Variants in TMED10 observed in about 807,000 individuals in gnomAD.
The protein encoded by TMED10 is transmembrane p24 trafficking protein 10.
A neutral mutation model predicts 23.1 loss-of-function variants in TMED10; 7 were observed. The ratio of observed to expected loss-of-function variants is 0.30; its 90% confidence interval spans 0.17 to 0.57. The LOEUF is 0.57. TMED10 is among the 20% of genes least tolerant of loss of function. The pLI, the probability that TMED10 is intolerant of heterozygous loss-of-function variation, is 0.91. For missense variants in TMED10, 162 were observed against 274.8 expected (o/e 0.59, Z 2.90); for synonymous variants, 113 against 106.9 (o/e 1.06, Z -0.35).
Position 75,162,688 on chromosome 14 carries a change from G to C in TMED10, c.226-10545C>G, listed in dbSNP as rs1896099443. ...AAAGGAAAGAAAAGAATATTGTATA[G>C]TGAAGAAACCTGACAAACACTAATT... On this transcript the variant is annotated intron_variant, in intron 1 of 4. Coordinates refer to ENST00000303575, the MANE Select transcript of TMED10 (RefSeq NM_006827.6). Among the ~76,000 whole-genome samples the C allele has an allele frequency of 3.3e-5, 5 of 152,130 alleles. No individual in the cohort carries two copies. The South Asian group carries it at 1.0e-3, about 31-fold the overall frequency.
At chr14:75,138,002 C>T (rs1234327294) in intron 3 of TMED10, among the ~76,000 whole-genome samples, 1 of 152,162 alleles carries the variant, frequency 6.6e-6, no homozygotes, top group African/African-American at 2.4e-5. Context: ...AGCCACTGCA[C>T]CTGGCCTTAA....
Position 75,133,805 on chromosome 14 carries a change from T to TC in TMED10, c.*1079_*1080insG. The TC allele has an allele frequency of 3.7e-6, 1 of 273,700 alleles. No individual in the cohort carries two copies. Among genetic ancestry groups the TC allele is most frequent in the South Asian group, 3.4e-5 (1 of 29,338 alleles). The allele number at this position is 273,700 out of a possible 1,614,324, so 17.0% of individuals were successfully genotyped here. On this transcript the variant is annotated 3_prime_UTR_variant, in exon 5 of 5. Coordinates refer to ENST00000303575, the MANE Select transcript of TMED10 (RefSeq NM_006827.6). ...ACTGTGGTACATCCATACCATGGAA[T>TC]ACTACTCAGCAATCAAAAGGAACTG...
At chr14:75,172,868 G>A (rs2300601) in intron 1 of TMED10, among the ~76,000 whole-genome samples, 83,697 of 151,984 alleles carry the variant, frequency 0.55, 24,333 homozygotes, top group African/African-American at 0.71. Flanking sequence ...ATCAATGCCC[G>A]AACCAATCTG....
chr14:75,152,995 G>A (rs1895973339), intron 1 of TMED10, among the ~76,000 whole-genome samples: 1 of 152,192 alleles, frequency 6.6e-6, no homozygotes, highest in East Asian at 1.9e-4. Flanking sequence ...AGTGGCATAT[G>A]CCTGTAGTCC....
At chr14:75,151,203 C>T (rs1895952369) in intron 2 of TMED10, among the ~76,000 whole-genome samples, 1 of 150,366 alleles carries the variant, frequency 6.7e-6, no homozygotes, top group East Asian at 2.0e-4. Context: ...CTGCGCCCGG[C>T]CAGTTTTTTT....
At chr14:75,157,213 G>C (rs1168806921) in intron 1 of TMED10, among the ~76,000 whole-genome samples, 1 of 152,180 alleles carries the variant, frequency 6.6e-6, no homozygotes, top group Admixed American at 6.5e-5. Context: ...GAGTGGTTTG[G>C]AAAGATAAAA....
chr14:75,154,098 G>A (rs190723760), intron 1 of TMED10, among the ~76,000 whole-genome samples: 25 of 150,242 alleles, frequency 1.7e-4, no homozygotes, highest in East Asian at 1.6e-3. Context: ...GTAGCCGGGC[G>A]TGGTAGCTCT....
rs140407462 is a variant in TMED10, at chr14:75,173,207, G to A, written c.225+3148C>T. Among the ~76,000 whole-genome samples the A allele has an allele frequency of 1.3e-4, 20 of 152,264 alleles. No individual in the cohort carries two copies. The East Asian group carries it at 3.7e-3, about 28-fold the overall frequency. On this transcript the variant is annotated intron_variant, in intron 1 of 4. Coordinates refer to ENST00000303575, the MANE Select transcript of TMED10 (RefSeq NM_006827.6). Reference sequence around the variant, plus strand: ...TCGAGACCAGCCTGGGTAACATGGCGAAACTCCATTTCTACAAACAAATAT... The same window carrying A: ...TCGAGACCAGCCTGGGTAACATGGCAAAACTCCATTTCTACAAACAAATAT...
intron 1 of TMED10, among the ~76,000 whole-genome samples, chr14:75,155,433 T>A (rs1366262244): frequency 1.3e-5 from 2 of 152,216 alleles, no homozygotes; most frequent in Non-Finnish European, 2.9e-5. Context: ...TGGTTAGTGA[T>A]ACTGGGGAAC....
At chr14:75,151,755 T>A (rs1381894649) in intron 2 of TMED10, among the ~76,000 whole-genome samples, 1 of 152,242 alleles carries the variant, frequency 6.6e-6, no homozygotes, top group Non-Finnish European at 1.5e-5. Flanking sequence ...ATTCCAAATG[T>A]AATGTTCGGA....
At chr14:75,155,422 A>C (rs1287901911) in intron 1 of TMED10, among the ~76,000 whole-genome samples, 1 of 152,204 alleles carries the variant, frequency 6.6e-6, no homozygotes, top group African/African-American at 2.4e-5. Context: ...CATTTCCCTG[A>C]TGGTTAGTGA....
At chr14:75,138,824 T>TTTTTTTTTA (rs1895786329) in intron 3 of TMED10, among the ~76,000 whole-genome samples, 1 of 113,870 alleles carries the variant, frequency 8.8e-6, no homozygotes, top group African/African-American at 2.9e-5. Flanking sequence ...TTTTTTTTTT[T>TTTTTTTTTA]TTTTTTTTAT....
In TMED10 at chr14:75,147,185, G is replaced by GTTTTTT. The variant is rs71119349; in HGVS notation, c.411+473_411+478dup. ...ACAGCCAGAATTATTCTTCAAGGCTGTTTTTTTTTTTTTTTTTTTTTGAGA... is the reference window on the plus strand; with the variant it reads ...ACAGCCAGAATTATTCTTCAAGGCTGTTTTTTTTTTTTTTTTTTTTTTTTTTTGAGA... On this transcript the variant is annotated intron_variant, in intron 3 of 4. Coordinates refer to ENST00000303575, the MANE Select transcript of TMED10 (RefSeq NM_006827.6). 4.9e-3 allele frequency among the ~76,000 whole-genome samples: 569 copies of GTTTTTT among 116,542 alleles called. 39 individuals carry two copies. The highest frequency in any genetic ancestry group is 0.018 in the African/African-American group (483 of 26,230). 76.5% of individuals were successfully genotyped at this position (116,542 alleles called of 152,430 possible).
intron 1 of TMED10, chr14:75,175,816 T>C (rs1362475889): frequency 3.3e-5 from 5 of 153,380 alleles, no homozygotes; most frequent in African/African-American, 1.2e-4. Flanking sequence ...GAGTCTCAGT[T>C]TCCTCATTTG....
chr14:75,151,367 G>A (rs954585828), intron 2 of TMED10, among the ~76,000 whole-genome samples: 6 of 151,174 alleles, frequency 4.0e-5, no homozygotes, highest in African/African-American at 1.2e-4. Context: ...TTACAGGCAC[G>A]AGCCACCATG....
At chr14:75,138,817 T>TTA (rs1895785424) in intron 3 of TMED10, among the ~76,000 whole-genome samples, 2 of 96,294 alleles carry the variant, frequency 2.1e-5, no homozygotes, top group Non-Finnish European at 4.5e-5. Context: ...TGCTTCTTTT[T>TTA]TTTTTTTTTT....
At chr14:75,166,604 G>A (rs1038232732) in intron 1 of TMED10, among the ~76,000 whole-genome samples, 1 of 152,214 alleles carries the variant, frequency 6.6e-6, no homozygotes, top group Admixed American at 6.5e-5. Flanking sequence ...ACTGTTTACT[G>A]AATAAGAGAG....
intron 1 of TMED10, among the ~76,000 whole-genome samples, chr14:75,156,336 T>C (rs1641497046): frequency 6.6e-6 from 1 of 152,126 alleles, no homozygotes; most frequent in South Asian, 2.1e-4. Flanking sequence ...AATTAAATAA[T>C]TTTATGTAAT....
intron 1 of TMED10, among the ~76,000 whole-genome samples, chr14:75,173,282 G>A (rs911992798): frequency 2.0e-5 from 3 of 152,090 alleles, no homozygotes; most frequent in African/African-American, 7.2e-5. Context: ...AGCTACTCAG[G>A]AGCCTGAAGT....
Sources: allele counts gnomAD v4.1 joint callset (sites outside exome capture counted in the v4.1 genomes callset), GRCh38; gene constraint gnomAD v4.1.1; transcripts MANE v1.5; gene names NCBI Gene and HGNC (gene_info 2026-07-23, HGNC 2026-07-21).